BTAF1: variants seen among roughly 807,000 people sequenced by gnomAD.
BTAF1 encodes the protein B-TFIID TATA-box binding protein associated factor 1.
A neutral mutation model predicts 227.1 loss-of-function variants in BTAF1; 38 were observed. That is an observed-to-expected ratio of 0.17 (90% CI 0.13 to 0.22). The LOEUF is 0.22. Ranked by LOEUF, BTAF1 falls within the 10% of genes least tolerant of loss-of-function variation. The pLI, the probability that BTAF1 is intolerant of heterozygous loss-of-function variation, is 1.00. For synonymous variants in BTAF1, 742 were observed against 751.9 expected, an observed-to-expected ratio of 0.99 and a Z score of 0.21; for missense variants, 1,598 against 2,204.0, an observed-to-expected ratio of 0.73 and a Z score of 5.51.
intron 4 of BTAF1, among the ~76,000 whole-genome samples, chr10:91,948,250 C>A (rs887561550): frequency 6.8e-6 from 1 of 147,490 alleles, no homozygotes; most frequent in South Asian, 2.2e-4. Flanking sequence ...TGAGTGAGAA[C>A]AGTATTGCTT....
chr10:91,994,287 G>A (rs901624545), intron 22 of BTAF1, among the ~76,000 whole-genome samples: 6 of 149,746 alleles, frequency 4.0e-5, no homozygotes, highest in East Asian at 1.9e-4. Context: ...ATGACAGAGC[G>A]AGACTCTGTC....
intron 8 of BTAF1, 65 bp downstream of exon 8, chr10:91,957,358 A>C (rs1414487827): frequency 1.5e-6 from 2 of 1,350,590 alleles, no homozygotes; most frequent in South Asian, 2.5e-5. Flanking sequence ...GAACAATGTC[A>C]AGAGCAATAT....
chr10:91,956,699 T>A lies in BTAF1; in HGVS notation c.831+42T>A, dbSNP rs760811539. On this transcript the variant is annotated intron_variant, in intron 7 of 37. Transcript: ENST00000265990. ...CTAAAGTATCCATTAAAATTGCTTA[T>A]AATCTTTGGGCCAGCAGCGGTGGCT... The A allele has an allele frequency of 1.9e-6, 3 of 1,589,464 alleles. No individual in the cohort carries two copies. In the East Asian group the frequency reaches 6.8e-5, roughly 36 times the overall value.
At position 91,996,372 on chromosome 10, in the gene BTAF1, G is replaced by A. The variant is rs1849148658; in HGVS notation, c.3313G>A (p.Val1105Ile). The change falls in exon 24 of 38, where the codon GTC (valine) becomes ATC (isoleucine). Residue 1105 changes from valine (V) to isoleucine (I), a missense_variant. Val to Ile is a conservative substitution (Grantham distance 29). Coordinates refer to ENST00000265990, the MANE Select transcript of BTAF1 (RefSeq NM_003972.3). ...SMDSELHPLLVQHLPHLYMCL... is the reference protein window; with the variant it reads ...SMDSELHPLLIQHLPHLYMCL... ...GCCATTAACTTTTTGTTTTTAGTTG[G>A]TCCAGCATTTGCCACATCTTTATAT... 1.2e-6 allele frequency: 2 copies of A among 1,613,430 alleles called. No homozygotes were observed. Among genetic ancestry groups the A allele is most frequent in the Non-Finnish European group, 1.7e-6 (2 of 1,179,758 alleles).
At chr10:91,965,423 A>G (rs943971663) in intron 13 of BTAF1, among the ~76,000 whole-genome samples, 5 of 152,210 alleles carry the variant, frequency 3.3e-5, no homozygotes, top group Non-Finnish European at 4.4e-5. Flanking sequence ...TGGGTAATAC[A>G]TAAGAGAATG....
chr10:92,007,276 T>C (rs1209668634), intron 25 of BTAF1, among the ~76,000 whole-genome samples: 1 of 140,680 alleles, frequency 7.1e-6, no homozygotes, highest in Admixed American at 7.7e-5. Context: ...TGGAGTGCCG[T>C]GGCACAATCT....
At position 92,030,337 on chromosome 10, in the gene BTAF1, G is replaced by T. The variant is rs1268550621; in HGVS notation, c.*1404G>T. 5.2e-5 allele frequency: 8 copies of T among 152,470 alleles called. No homozygotes were observed. Among genetic ancestry groups the T allele is most frequent in the African/African-American group, 1.7e-4 (7 of 41,428 alleles). 9.4% of individuals were successfully genotyped at this position (152,470 alleles called of 1,614,324 possible). Reference sequence around the variant, plus strand: ...TTGAAACTGTAAAATATATGCAACTGTGTGTTATTTGTAGGAAATGGTCAC... The same window carrying T: ...TTGAAACTGTAAAATATATGCAACTTTGTGTTATTTGTAGGAAATGGTCAC... On this transcript the variant is annotated 3_prime_UTR_variant, in exon 38 of 38. Transcript: ENST00000265990.
chr10:91,958,083 C>T (rs948928015), intron 8 of BTAF1, among the ~76,000 whole-genome samples: 1 of 152,108 alleles, frequency 6.6e-6, no homozygotes, highest in South Asian at 2.1e-4. Context: ...GAGTCTCACT[C>T]TGTCTCCCAG....
At chr10:92,019,057 T>A in intron 34 of BTAF1, 122 bp downstream of exon 34, 1 of 1,023,282 alleles carries the variant, frequency 9.8e-7, no homozygotes, top group Admixed American at 3.2e-5. Flanking sequence ...TGGTTAAATT[T>A]TTGATACAGC....
At position 91,989,160 on chromosome 10, in the gene BTAF1, A is replaced by G. The variant is rs149243426; in HGVS notation, c.2434A>G (p.Thr812Ala). The G allele has an allele frequency of 2.6e-4, 418 of 1,611,282 alleles. 2 individuals are homozygous for G. The East Asian group carries it at 5.1e-3, about 20-fold the overall frequency. Reference protein sequence around the residue: ...TIDQASDLVTTVFNEATSSFD... With the variant: ...TIDQASDLVTAVFNEATSSFD... ...TTTCTTTTTTTTTTAATAGGTCACT[A>G]CTGTTTTTAATGAAGCCACATCATC... is the stretch of plus-strand genomic sequence containing the variant. The change falls in exon 20 of 38, where the codon ACT becomes GCT. Residue 812 changes from threonine (T) to alanine (A), a missense_variant. Around this residue, in one of 10 missense-constraint regions of BTAF1, gnomAD observed 318 missense variants for 435.0 expected, o/e 0.73. Coordinates refer to ENST00000265990, the MANE Select transcript of BTAF1 (RefSeq NM_003972.3).
intron 20 of BTAF1, among the ~76,000 whole-genome samples, chr10:91,990,369 A>G (rs558839276): frequency 6.6e-6 from 1 of 152,180 alleles, no homozygotes; most frequent in Admixed American, 6.5e-5. Flanking sequence ...GTCCATTGCT[A>G]TATAAGGCAG....
intron 20 of BTAF1, among the ~76,000 whole-genome samples, chr10:91,991,295 T>TATATATATA (rs1266180286): frequency 8.2e-5 from 11 of 133,400 alleles, no homozygotes; most frequent in South Asian, 2.5e-4. Flanking sequence ...TATATATAAA[T>TATATATATA]TATCCGGACG....
chr10:92,026,816 A>C, intron 36 of BTAF1, 65 bp downstream of exon 36: 1 of 1,515,324 alleles, frequency 6.6e-7, no homozygotes, highest in Non-Finnish European at 8.9e-7. Context: ...CCAGAAAGAT[A>C]GGAAACCTTG....
intron 1 of BTAF1, among the ~76,000 whole-genome samples, chr10:91,925,007 T>A (rs956439698): frequency 6.6e-6 from 1 of 152,158 alleles, no homozygotes; most frequent in Non-Finnish European, 1.5e-5. Context: ...TAGTTTTCAT[T>A]TTTTTATAAT....
At chr10:91,976,851 G>T (rs551808029) in intron 14 of BTAF1, among the ~76,000 whole-genome samples, 1 of 152,170 alleles carries the variant, frequency 6.6e-6, no homozygotes, top group Non-Finnish European at 1.5e-5. Context: ...TTGCTCTCCT[G>T]TAGTGCTTAA....
chr10:92,016,558 AAC>A, intron 33 of BTAF1, 93 bp downstream of exon 33: 2 of 1,083,268 alleles, frequency 1.8e-6, no homozygotes, highest in Non-Finnish European at 2.5e-6. Context: ...GGCTCACTGC[AAC>A]CTCTGCCTCC....
chr10:91,941,362 G>A (rs920351305), intron 3 of BTAF1, among the ~76,000 whole-genome samples: 1 of 152,126 alleles, frequency 6.6e-6, no homozygotes, highest in African/African-American at 2.4e-5. Context: ...AATACTAATA[G>A]AAATTCCTTT....
At chr10:92,009,315 GA>G in intron 28 of BTAF1, 107 bp downstream of exon 28, 1 of 1,210,984 alleles carries the variant, frequency 8.3e-7, no homozygotes, top group Non-Finnish European at 1.1e-6. Flanking sequence ...TTGGTTGTAT[GA>G]CATAGAAACT....
intron 35 of BTAF1, 64 bp from the exon 36 acceptor site, chr10:92,026,522 AATTTTT>A (rs1334081360): frequency 7.9e-7 from 1 of 1,265,266 alleles, no homozygotes. Context: ...TGTGCTCTTT[AATTTTT>A]ATTAACAGTT....
Sources: gnomAD v4.1 joint callset for allele counts (sites outside exome capture counted in the v4.1 genomes callset) on GRCh38, gnomAD v4.1.1 for gene constraint, gnomAD v4.1.1 regional missense constraint, MANE v1.5 for transcripts, NCBI Gene and HGNC (gene_info 2026-07-23, HGNC 2026-07-21) for gene names.